Variants in SLIT3 observed in about 807,000 individuals in gnomAD.
SLIT3 encodes the protein slit guidance ligand 3.
In SLIT3, 68 loss-of-function variants were observed where a neutral mutation model predicts 184.0. The observed-to-expected ratio is 0.37, with a 90% CI of 0.30 to 0.45. The LOEUF is 0.45. SLIT3 is among the 20% of genes least tolerant of loss of function. SLIT3 has a pLI of 1.00. For missense variants in SLIT3, 1,707 were observed against 2,026.0 expected (o/e 0.84, Z 3.02); for synonymous variants, 831 against 828.6 (o/e 1.00, Z -0.05).
intron 4 of SLIT3, among the ~76,000 whole-genome samples, chr5:169,149,497 C>T (rs1762043483): frequency 6.6e-6 from 1 of 152,022 alleles, no homozygotes. Flanking sequence ...GACCCAGACT[C>T]CAGAGACCCC....
chr5:169,008,582 C>T (rs1054187321), intron 4 of SLIT3, among the ~76,000 whole-genome samples: 11 of 152,304 alleles, frequency 7.2e-5, no homozygotes, highest in Admixed American at 2.0e-4. Flanking sequence ...CTACTGACTT[C>T]CCTTGTGAGT....
At chr5:168,903,532 G>A (rs1457377376) in intron 4 of SLIT3, among the ~76,000 whole-genome samples, 1 of 152,204 alleles carries the variant, frequency 6.6e-6, no homozygotes, top group Non-Finnish European at 1.5e-5. Context: ...CATGACCCCT[G>A]ACTTGCCTGC....
intron 4 of SLIT3, among the ~76,000 whole-genome samples, chr5:169,084,757 G>A (rs1759221436): frequency 6.6e-6 from 1 of 152,206 alleles, no homozygotes; most frequent in African/African-American, 2.4e-5. Context: ...CTCTTTCAGG[G>A]GCCAGGGCCA....
chr5:168,785,950 T>C lies in SLIT3; in HGVS notation c.1108A>G (p.Ile370Val). ...LVLYGNKITE[I>V]VKGLFDGLVS... is the part of the protein sequence containing the mutation. ...AGCCCATCAAACAGTCCCTTGACAA[T>C]CTCGGTGATCTTGTTCCCATACAGG... Residue 370 changes from isoleucine (I) to valine (V), a missense_variant, in exon 12 of 36, where the codon ATT (isoleucine) becomes GTT (valine). By Grantham distance (29) the Ile-to-Val change is conservative. Around this residue, in one of 3 missense-constraint regions of SLIT3, gnomAD observed 1,307 missense variants for 1,511.6 expected, o/e 0.86. Coordinates refer to ENST00000519560, the MANE Select transcript of SLIT3 (RefSeq NM_003062.4). 6.2e-7 allele frequency: 1 copy of C among 1,612,608 alleles called. No homozygotes were observed.
At chr5:168,881,877 T>G (rs571557622) in intron 5 of SLIT3, among the ~76,000 whole-genome samples, 95 of 152,328 alleles carry the variant, frequency 6.2e-4, no homozygotes, top group Middle Eastern at 6.8e-3. Flanking sequence ...TCTTTGTGGG[T>G]GTGGCTGCTC....
At chr5:169,039,818 G>C (rs2113021332) in intron 4 of SLIT3, among the ~76,000 whole-genome samples, 1 of 152,172 alleles carries the variant, frequency 6.6e-6, no homozygotes, top group South Asian at 2.1e-4. Flanking sequence ...TTATTAAAAC[G>C]AATTCAAACA....
intron 4 of SLIT3, among the ~76,000 whole-genome samples, chr5:169,140,786 T>A (rs1761705995): frequency 6.6e-6 from 1 of 152,048 alleles, no homozygotes; most frequent in Admixed American, 6.6e-5. Context: ...GGTCACAGAG[T>A]GAGAGACCCT....
intron 4 of SLIT3, among the ~76,000 whole-genome samples, chr5:169,101,799 C>T (rs1760028872): frequency 6.6e-6 from 1 of 152,192 alleles, no homozygotes; most frequent in African/African-American, 2.4e-5. Flanking sequence ...GGCCTTTGCA[C>T]ATGTTATTCT....
At chr5:169,139,586 AC>A (rs917300599) in intron 4 of SLIT3, among the ~76,000 whole-genome samples, 6 of 151,968 alleles carry the variant, frequency 3.9e-5, no homozygotes, top group Non-Finnish European at 7.4e-5. Flanking sequence ...GCACTAGCCC[AC>A]CCCCCCAGGG....
chr5:168,885,098 T>G (rs543482691), intron 4 of SLIT3, among the ~76,000 whole-genome samples: 55 of 152,258 alleles, frequency 3.6e-4, no homozygotes, highest in African/African-American at 1.3e-3. Flanking sequence ...GTCCACTTTT[T>G]TCTGATCTCC....
At chr5:169,282,308 A>G (rs1274402675) in intron 1 of SLIT3, among the ~76,000 whole-genome samples, 1 of 152,178 alleles carries the variant, frequency 6.6e-6, no homozygotes, top group East Asian at 1.9e-4. Context: ...CAGGTCAGAA[A>G]ATAGGCTCTG....
intron 4 of SLIT3, among the ~76,000 whole-genome samples, chr5:169,132,521 G>C (rs17734995): frequency 0.087 from 13,249 of 152,202 alleles, 747 homozygotes; most frequent in Middle Eastern, 0.17. Flanking sequence ...GCACTCAAGG[G>C]AAAGGCTGAC....
intron 8 of SLIT3, among the ~76,000 whole-genome samples, chr5:168,813,996 A>G (rs955149825): frequency 2.8e-4 from 43 of 152,134 alleles, no homozygotes; most frequent in African/African-American, 1.0e-3. Context: ...GATGACCTCT[A>G]TTTTGTAAGA....
chr5:168,674,715 C>A (rs1310754753), intron 32 of SLIT3, among the ~76,000 whole-genome samples: 2 of 152,010 alleles, frequency 1.3e-5, no homozygotes, highest in Non-Finnish European at 2.9e-5. Context: ...TGGTCTTGAA[C>A]TCCTGACCTC....
intron 27 of SLIT3, among the ~76,000 whole-genome samples, chr5:168,699,935 G>A (rs1422676565): frequency 3.3e-5 from 5 of 152,200 alleles, no homozygotes; most frequent in African/African-American, 7.2e-5. Flanking sequence ...GCCAGCAGCA[G>A]ACACCTCCCT....
chr5:169,236,660 C>T (rs188843110), intron 3 of SLIT3, among the ~76,000 whole-genome samples: 4 of 151,988 alleles, frequency 2.6e-5, no homozygotes, highest in East Asian at 3.9e-4. Context: ...TTAGTAGAGA[C>T]GGGTTTTCGC....
chr5:169,263,040 T>C (rs535526710), intron 1 of SLIT3, among the ~76,000 whole-genome samples: 2 of 152,296 alleles, frequency 1.3e-5, no homozygotes, highest in East Asian at 3.9e-4. Flanking sequence ...ACTGGTGTCC[T>C]TATTAGAAGA....
intron 4 of SLIT3, among the ~76,000 whole-genome samples, chr5:169,114,856 G>A (rs1760593803): frequency 6.6e-6 from 1 of 152,228 alleles, no homozygotes; most frequent in African/African-American, 2.4e-5. Flanking sequence ...GCCGTGGGCT[G>A]TTGGCACCCT....
At chr5:168,675,530 T>C (rs529681097) in intron 32 of SLIT3, among the ~76,000 whole-genome samples, 32 of 152,314 alleles carry the variant, frequency 2.1e-4, no homozygotes, top group African/African-American at 7.7e-4. Context: ...CACAGAACTA[T>C]TGTGATGTTC....
Sources: gnomAD v4.1 joint callset for allele counts (sites outside exome capture counted in the v4.1 genomes callset) on GRCh38, gnomAD v4.1.1 for gene constraint, gnomAD v4.1.1 regional missense constraint, MANE v1.5 for transcripts, NCBI Gene and HGNC (gene_info 2026-07-23, HGNC 2026-07-21) for gene names.